The following KLHL29 variants were observed in gnomAD, a reference collection of about 807,000 sequenced individuals.
KLHL29 encodes kelch like family member 29.
Under a neutral mutation model 80.4 loss-of-function variants are expected in KLHL29, and 21 were observed. The ratio of observed to expected loss-of-function variants is 0.26; its 90% CI spans 0.19 to 0.38. KLHL29 has a LOEUF of 0.38. KLHL29 is among the 10% of genes least tolerant of loss of function. The probability of loss-of-function intolerance (pLI) is 1.00; values close to 1 mark genes in which losing one functional copy is unlikely to be tolerated. For synonymous variants in KLHL29, 511 were observed against 526.8 expected (o/e 0.97, Z 0.41); for missense variants, 867 against 1,223.9 (o/e 0.71, Z 4.35).
chr2:23,466,424 A>G (rs1488006936), intron 1 of KLHL29, among the ~76,000 whole-genome samples: 1 of 152,224 alleles, frequency 6.6e-6, no homozygotes, highest in Non-Finnish European at 1.5e-5. Context: ...TAGTATTTTT[A>G]TTTGCTACTT....
intron 13 of KLHL29, among the ~76,000 whole-genome samples, chr2:23,705,167 G>A (rs1672638075): frequency 6.6e-6 from 1 of 152,232 alleles, no homozygotes; most frequent in Non-Finnish European, 1.5e-5. Flanking sequence ...CTCCACTTGG[G>A]AGGATGCTCG....
intron 2 of KLHL29, among the ~76,000 whole-genome samples, chr2:23,544,979 T>C (rs1165513104): frequency 2.0e-5 from 3 of 152,130 alleles, no homozygotes. Flanking sequence ...GGCTTGTGTT[T>C]TAACAGGATC....
intron 2 of KLHL29, among the ~76,000 whole-genome samples, chr2:23,535,284 A>G (rs1666626988): frequency 6.6e-6 from 1 of 151,990 alleles, no homozygotes; most frequent in Admixed American, 6.6e-5. Context: ...CTGAGCTAGG[A>G]CTCCACACAC....
intron 5 of KLHL29, among the ~76,000 whole-genome samples, chr2:23,676,610 G>A (rs555105457): frequency 1.3e-5 from 2 of 152,334 alleles, no homozygotes; most frequent in African/African-American, 4.8e-5. Context: ...GAGCAACATG[G>A]CGAGACCCTG....
intron 3 of KLHL29, among the ~76,000 whole-genome samples, chr2:23,622,191 G>A (rs933276645): frequency 3.3e-5 from 5 of 152,124 alleles, no homozygotes; most frequent in African/African-American, 1.2e-4. Context: ...GAAGGAACAG[G>A]GACTCAAACC....
intron 2 of KLHL29, among the ~76,000 whole-genome samples, chr2:23,519,349 C>T (rs6732165): frequency 0.012 from 1,769 of 152,074 alleles, 34 homozygotes; most frequent in African/African-American, 0.037. Context: ...GGCTCCCTCC[C>T]ACCCAGGCAT....
chr2:23,703,394 T>G lies in KLHL29; in HGVS notation c.2299+15T>G. On this transcript the variant is annotated intron_variant, in intron 12 of 13. Coordinates refer to ENST00000486442, the MANE Select transcript of KLHL29 (RefSeq NM_052920.2). The stretch of plus-strand genomic sequence containing the variant: ...CCCAATGATTGGTGAGAACCAGCGG[T>G]GTCCTCAGCCCAGGGCCAGGGTCGC... 5.4e-6 allele frequency: 8 copies of G among 1,475,162 alleles called. No homozygotes were observed. The highest frequency in any genetic ancestry group is 7.2e-6 in the Non-Finnish European group (8 of 1,112,998). The allele number at this position is 1,475,162 out of a possible 1,614,324, so 91.4% of individuals were successfully genotyped here.
intron 3 of KLHL29, among the ~76,000 whole-genome samples, chr2:23,589,338 T>C (rs1281642998): frequency 6.6e-6 from 1 of 152,158 alleles, no homozygotes; most frequent in African/African-American, 2.4e-5. Flanking sequence ...AAATGGAAAC[T>C]CCGAAGAAGG....
rs541605020 is a variant in KLHL29 at position 23,590,559 on chromosome 2, G to A, written c.285+28078G>A. On this transcript the variant is annotated intron_variant, in intron 3 of 13. Transcript: ENST00000486442. ...CCTTTCAGGCCACAGACGCCATGCCGAGGCCCTGGTTCCCCTCCAGACCTG... is the reference window on the plus strand; with the variant it reads ...CCTTTCAGGCCACAGACGCCATGCCAAGGCCCTGGTTCCCCTCCAGACCTG... Among the ~76,000 whole-genome samples the A allele has an allele frequency of 7.2e-5, 11 of 152,230 alleles. No homozygotes were observed. In the South Asian group the frequency reaches 1.2e-3, roughly 17 times the overall value.
intron 3 of KLHL29, among the ~76,000 whole-genome samples, chr2:23,608,592 G>C (rs1668784649): frequency 6.6e-6 from 1 of 152,084 alleles, no homozygotes; most frequent in Admixed American, 6.6e-5. Context: ...TCCTTTAATT[G>C]AAATGCATTC....
chr2:23,670,937 T>C (rs1006857995), intron 5 of KLHL29, among the ~76,000 whole-genome samples: 1 of 12,710 alleles, frequency 7.9e-5, no homozygotes, highest in Admixed American at 8.8e-4. Flanking sequence ...TCTCTCTCTC[T>C]CTCTCTCTCT....
intron 3 of KLHL29, among the ~76,000 whole-genome samples, chr2:23,620,564 C>T (rs867602608): frequency 1.2e-4 from 19 of 152,106 alleles, no homozygotes; most frequent in Non-Finnish European, 2.4e-4. Flanking sequence ...AGCTCTGGGA[C>T]AGAGCATACA....
intron 3 of KLHL29, 115 bp from the exon 4 acceptor site, chr2:23,639,024 G>A (rs1669693625): frequency 9.6e-7 from 1 of 1,044,978 alleles, no homozygotes. Context: ...TACTCAGTGG[G>A]CGAAGCTTAG....
chr2:23,515,126 C>G (rs565105125), intron 2 of KLHL29, among the ~76,000 whole-genome samples: 5 of 152,316 alleles, frequency 3.3e-5, no homozygotes, highest in African/African-American at 4.8e-5. Context: ...TAACCCAAAT[C>G]ACTTTCTGGA....
At chr2:23,620,952 G>A (rs541496220) in intron 3 of KLHL29, among the ~76,000 whole-genome samples, 21 of 152,360 alleles carry the variant, frequency 1.4e-4, no homozygotes, top group East Asian at 1.9e-4. Context: ...GGATGACCCC[G>A]CATGGGAAGC....
intron 3 of KLHL29, among the ~76,000 whole-genome samples, chr2:23,635,970 C>T (rs559298166): frequency 6.6e-6 from 1 of 152,354 alleles, no homozygotes; most frequent in South Asian, 2.1e-4. Flanking sequence ...TGGCAGCCCT[C>T]CCGACCAGGA....
At chr2:23,444,512 G>C (rs1663619939) in intron 1 of KLHL29, among the ~76,000 whole-genome samples, 1 of 152,082 alleles carries the variant, frequency 6.6e-6, no homozygotes, top group African/African-American at 2.4e-5. Flanking sequence ...TTTTAGTAGA[G>C]ATGGGGTTTC....
At chr2:23,636,650 C>A (rs1287575645) in intron 3 of KLHL29, among the ~76,000 whole-genome samples, 1 of 152,200 alleles carries the variant, frequency 6.6e-6, no homozygotes, top group Admixed American at 6.5e-5. Flanking sequence ...GTCTTGGTCA[C>A]CCGTGTCCCT....
At chr2:23,608,615 C>T (rs546280446) in intron 3 of KLHL29, among the ~76,000 whole-genome samples, 18 of 152,254 alleles carry the variant, frequency 1.2e-4, no homozygotes, top group Non-Finnish European at 1.8e-4. Context: ...TTGGAGAAAG[C>T]GATGCTGATA....
Sources: allele counts gnomAD v4.1 joint callset (sites outside exome capture counted in the v4.1 genomes callset), GRCh38; gene constraint gnomAD v4.1.1; transcripts MANE v1.5; gene names NCBI Gene and HGNC (gene_info 2026-07-23, HGNC 2026-07-21).